CHODL: variants seen among roughly 807,000 people sequenced by gnomAD.
CHODL encodes chondrolectin.
In CHODL, 29 loss-of-function variants were observed where a neutral mutation model predicts 34.5. The ratio of observed to expected loss-of-function variants is 0.84; its 90% CI spans 0.63 to 1.15. The LOEUF (loss-of-function observed/expected upper bound fraction) is 1.15. CHODL is among the 50% of genes most tolerant of loss of function. The pLI is 0.00. For synonymous variants in CHODL, 125 were observed against 116.1 expected, an observed-to-expected ratio of 1.08 and a Z score of -0.49; for missense variants, 332 against 332.5, an observed-to-expected ratio of 1.00 and a Z score of 0.01.
intron 2 of CHODL, among the ~76,000 whole-genome samples, chr21:18,203,094 C>G (rs145918078): frequency 2.2e-3 from 333 of 152,270 alleles, no homozygotes; most frequent in Non-Finnish European, 3.7e-3. Context: ...GCAAACCAAA[C>G]TAATTTTAAA....
At chr21:18,123,259 T>C (rs1007809331) in intron 2 of CHODL, among the ~76,000 whole-genome samples, 2 of 152,118 alleles carry the variant, frequency 1.3e-5, no homozygotes. Flanking sequence ...TGCTTTGACG[T>C]TTGGTGAAAT....
chr21:18,257,251 G>T, intron 3 of CHODL, 124 bp downstream of exon 3: 1 of 846,064 alleles, frequency 1.2e-6, no homozygotes, highest in South Asian at 1.9e-5. Context: ...AAATTACCTT[G>T]CAGTTTCTCA....
At chr21:18,212,629 G>A (rs149932240) in intron 2 of CHODL, among the ~76,000 whole-genome samples, 4 of 152,000 alleles carry the variant, frequency 2.6e-5, no homozygotes, top group Non-Finnish European at 5.9e-5. Context: ...CTACATTATA[G>A]TTTAAAAAGT....
chr21:18,209,046 C>T (rs1024703594), intron 2 of CHODL, among the ~76,000 whole-genome samples: 5 of 152,122 alleles, frequency 3.3e-5, no homozygotes, highest in African/African-American at 1.2e-4. Flanking sequence ...TTGCTCAAGG[C>T]CCTAGGGCTC....
chr21:18,093,217 C>A (rs1159726521), intron 2 of CHODL, among the ~76,000 whole-genome samples: 1 of 152,058 alleles, frequency 6.6e-6, no homozygotes, highest in Non-Finnish European at 1.5e-5. Context: ...AACACTCTTA[C>A]CCTAGAATAA....
chr21:18,176,795 G>A (rs2073319965), intron 2 of CHODL, among the ~76,000 whole-genome samples: 1 of 152,064 alleles, frequency 6.6e-6, no homozygotes, highest in East Asian at 1.9e-4. Context: ...TGTAATTTAG[G>A]AAAATTATTT....
rs370022813 is a variant in CHODL at position 18,256,669 on chromosome 21, A to G, written c.240A>G (p.Ile80Met). ...SLENEAEQKL[I>M]ESMLQNLTKP... ...AGAATGAAGCAGAACAGAAGTTAAT[A>G]GAGAGCATGTTGCAAAACCTGACAA... Residue 80 changes from isoleucine (I) to methionine (M), a missense_variant, in exon 2 of 6, where the codon ATA becomes ATG. Coordinates refer to ENST00000299295, the MANE Select transcript of CHODL (RefSeq NM_024944.3). 9 of 1,613,966 alleles carry G rather than the reference A, an allele frequency of 5.6e-6. No individual in the cohort carries two copies. The African/African-American group carries it at 8.0e-5, about 14-fold the overall frequency.
chr21:18,174,152 T>TATATATATATATATATATATATATAA (rs1568923201), intron 2 of CHODL, among the ~76,000 whole-genome samples: 5 of 125,834 alleles, frequency 4.0e-5, no homozygotes, highest in African/African-American at 1.5e-4. Flanking sequence ...TATATATATA[T>TATATATATATATATATATATATATAA]ATATATATAA....
At chr21:18,255,449 T>A (rs745440765) in intron 1 of CHODL, among the ~76,000 whole-genome samples, 4 of 152,076 alleles carry the variant, frequency 2.6e-5, no homozygotes, top group Non-Finnish European at 5.9e-5. Context: ...AATATATAAG[T>A]AGAGCCTCTA....
chr21:18,222,022 C>G (rs1264359497), intron 2 of CHODL, among the ~76,000 whole-genome samples: 1 of 152,116 alleles, frequency 6.6e-6, no homozygotes, highest in Non-Finnish European at 1.5e-5. Flanking sequence ...TGCATCAGCA[C>G]CAATGGGATG....
intron 2 of CHODL, among the ~76,000 whole-genome samples, chr21:18,173,368 T>C (rs143945306): frequency 0.014 from 2,068 of 152,300 alleles, 45 homozygotes; most frequent in African/African-American, 0.047. Flanking sequence ...GAGATTGTCA[T>C]AGCATCCTGT....
At chr21:18,212,572 TAATA>T (rs3077940) in intron 2 of CHODL, among the ~76,000 whole-genome samples, 1 of 151,440 alleles carries the variant, frequency 6.6e-6, no homozygotes, top group Non-Finnish European at 1.5e-5. Context: ...CTACAATAAT[TAATA>T]AAGCCACAGC....
At chr21:18,131,056 T>TTGGCTTGCAAATGGCCGCC (rs1221981881) in intron 2 of CHODL, among the ~76,000 whole-genome samples, 2 of 152,102 alleles carry the variant, frequency 1.3e-5, no homozygotes, top group East Asian at 1.9e-4. Context: ...GTCCCTTTTC[T>TTGGCTTGCAAATGGCCGCC]TGGCTTGCAA....
chr21:17,972,439 CAA>C (rs1404644424), intron 1 of CHODL, among the ~76,000 whole-genome samples: 5 of 152,196 alleles, frequency 3.3e-5, no homozygotes, highest in African/African-American at 4.8e-5. Context: ...GCAACTTCAG[CAA>C]AGTCTCAGGA....
intron 2 of CHODL, among the ~76,000 whole-genome samples, chr21:18,051,412 T>A (rs2064514598): frequency 6.6e-6 from 1 of 151,810 alleles, no homozygotes; most frequent in Non-Finnish European, 1.5e-5. Context: ...TCTTTTTTTT[T>A]TTTTTATTTT....
intron 1 of CHODL, among the ~76,000 whole-genome samples, chr21:17,945,234 G>C (rs985863624): frequency 9.8e-5 from 14 of 142,366 alleles, no homozygotes; most frequent in Admixed American, 4.2e-4. Context: ...AATTACTAAA[G>C]CTCCAATAAT....
Position 18,101,611 on chromosome 21 carries a change from C to A in CHODL, c.-45+73640C>A, listed in dbSNP as rs190180306. Reference sequence around the variant, plus strand: ...TGTCTAACCTACATTTTAAATGTGTCATTATAACATAATTGAAAATATGAC... The same window carrying A: ...TGTCTAACCTACATTTTAAATGTGTAATTATAACATAATTGAAAATATGAC... On this transcript the variant is annotated intron_variant, in intron 2 of 6. Transcript: ENST00000400127. Among the ~76,000 whole-genome samples, 26 of 151,690 alleles carry A rather than the reference C, an allele frequency of 1.7e-4. 1 individual carries two copies. In the East Asian group the frequency reaches 3.1e-3, roughly 18 times the overall value.
intron 1 of CHODL, among the ~76,000 whole-genome samples, chr21:17,977,699 C>A (rs202413): frequency 1 from 146,899 of 146,910 alleles, 73,444 homozygotes; most frequent in Middle Eastern, 1. Flanking sequence ...CAGGCGAATC[C>A]CGAGGTCAAG....
At chr21:18,174,151 A>ATATCTTGG (rs2073273373) in intron 2 of CHODL, among the ~76,000 whole-genome samples, 1 of 125,804 alleles carries the variant, frequency 7.9e-6, no homozygotes, top group African/African-American at 2.9e-5. Context: ...ATATATATAT[A>ATATCTTGG]TATATATATA....
Sources: gnomAD v4.1 joint callset for allele counts (sites outside exome capture counted in the v4.1 genomes callset) on GRCh38, gnomAD v4.1.1 for gene constraint, MANE v1.5 for transcripts, NCBI Gene and HGNC (gene_info 2026-07-23, HGNC 2026-07-21) for gene names.